Variants in RBMS3 observed in about 807,000 individuals in gnomAD.
RBMS3 encodes RNA-binding motif, single-stranded-interacting protein 3.
RBMS3 carries 27 observed loss-of-function variants against 66.8 expected under a neutral mutation model. That is an observed-to-expected ratio of 0.40 (90% CI 0.30 to 0.56). The LOEUF is 0.56. RBMS3 is among the 20% of genes least tolerant of loss of function. The pLI, the probability that RBMS3 is intolerant of heterozygous loss-of-function variation, is 0.40. For synonymous variants in RBMS3, 188 were observed against 183.0 expected (o/e 1.03, Z -0.22); for missense variants, 513 against 549.5 (o/e 0.93, Z 0.66).
At chr3:29,928,297 A>T (rs1032880753) in intron 10 of RBMS3, among the ~76,000 whole-genome samples, 2 of 149,790 alleles carry the variant, frequency 1.3e-5, no homozygotes, top group South Asian at 2.1e-4. Flanking sequence ...ATTAGGAACT[A>T]ATCTCAATAT....
intron 4 of RBMS3, among the ~76,000 whole-genome samples, chr3:29,667,340 G>T (rs1330836002): frequency 1.3e-5 from 2 of 152,048 alleles, no homozygotes; most frequent in South Asian, 4.2e-4. Context: ...TATCCCAGTG[G>T]TATAACCATG....
chr3:29,873,830 A>G (rs1419659372), intron 7 of RBMS3, among the ~76,000 whole-genome samples: 6 of 152,300 alleles, frequency 3.9e-5, no homozygotes, highest in South Asian at 4.1e-4. Flanking sequence ...TCTTTTCTGT[A>G]TCATTTGAGA....
chr3:29,546,230 C>T (rs1464702722), intron 3 of RBMS3, among the ~76,000 whole-genome samples: 6 of 151,678 alleles, frequency 4.0e-5, no homozygotes, highest in Admixed American at 3.3e-4. Flanking sequence ...TTCATGACAA[C>T]CCTACAAGGT....
chr3:29,563,939 C>A (rs1431315407), intron 3 of RBMS3, among the ~76,000 whole-genome samples: 1 of 150,834 alleles, frequency 6.6e-6, no homozygotes, highest in Non-Finnish European at 1.5e-5. Flanking sequence ...ATCATTTGAG[C>A]CTGGAAGATT....
At chr3:29,740,564 C>T (rs1307562241) in intron 5 of RBMS3, among the ~76,000 whole-genome samples, 1 of 152,164 alleles carries the variant, frequency 6.6e-6, no homozygotes, top group African/African-American at 2.4e-5. Context: ...GTTGTACCTG[C>T]TGTGCTTTCA....
chr3:29,305,388 C>T (rs1191214939), intron 1 of RBMS3, among the ~76,000 whole-genome samples: 1 of 151,856 alleles, frequency 6.6e-6, no homozygotes, highest in Non-Finnish European at 1.5e-5. Flanking sequence ...TTTGTTGTAT[C>T]CCAAGAGCTG....
At position 29,751,757 on chromosome 3, in the gene RBMS3, G is replaced by T. The variant is rs555552757; in HGVS notation, c.558-11153G>T. On this transcript the variant is annotated intron_variant, in intron 5 of 14. Coordinates refer to ENST00000383767, the MANE Select transcript of RBMS3 (RefSeq NM_001003793.3). ...AGGATAGTTCCCTTGGTACCTTTGT[G>T]GGACTCACAAAGGGGCGGCTCGGTT... 2.6e-5 allele frequency among the ~76,000 whole-genome samples: 4 copies of T among 152,318 alleles called. No homozygotes were observed. The South Asian group carries it at 8.3e-4, about 32-fold the overall frequency.
At chr3:29,985,921 A>G (rs1377333407) in intron 12 of RBMS3, among the ~76,000 whole-genome samples, 1 of 152,222 alleles carries the variant, frequency 6.6e-6, no homozygotes, top group Non-Finnish European at 1.5e-5. Flanking sequence ...TATGGCCACA[A>G]GTCATGTTTC....
chr3:29,894,809 A>G (rs2060088014), intron 8 of RBMS3, among the ~76,000 whole-genome samples: 2 of 151,724 alleles, frequency 1.3e-5, no homozygotes, highest in Admixed American at 6.6e-5. Context: ...TTTAGCTACA[A>G]TCCTCTCTGA....
At chr3:29,668,909 T>TTA (rs1378498437) in intron 4 of RBMS3, among the ~76,000 whole-genome samples, 12 of 152,176 alleles carry the variant, frequency 7.9e-5, no homozygotes, top group Non-Finnish European at 1.8e-4. Context: ...TGTTGAAAGG[T>TTA]TAGATCCCTG....
intron 3 of RBMS3, among the ~76,000 whole-genome samples, chr3:29,532,262 GTATA>G (rs869225843): frequency 1.6e-5 from 1 of 62,692 alleles, no homozygotes; most frequent in Admixed American, 1.7e-4. Context: ...ATATATATAT[GTATA>G]TATATATATA....
At chr3:29,953,608 C>G (rs1173520440) in intron 12 of RBMS3, among the ~76,000 whole-genome samples, 2 of 151,840 alleles carry the variant, frequency 1.3e-5, no homozygotes, top group African/African-American at 2.4e-5. Flanking sequence ...TTTTATTCAT[C>G]ACATAGTATG....
intron 2 of RBMS3, among the ~76,000 whole-genome samples, chr3:29,440,404 C>A (rs1559363401): frequency 6.6e-6 from 1 of 152,192 alleles, no homozygotes; most frequent in Middle Eastern, 3.4e-3. Flanking sequence ...AGTAAACATG[C>A]CGCTGCTAAG....
chr3:29,568,649 A>G (rs951997546), intron 3 of RBMS3, among the ~76,000 whole-genome samples: 1 of 152,224 alleles, frequency 6.6e-6, no homozygotes, highest in African/African-American at 2.4e-5. Flanking sequence ...GCTATCAAAT[A>G]GTGGAGCTAG....
At chr3:29,944,594 A>G (rs1695169972) in intron 12 of RBMS3, among the ~76,000 whole-genome samples, 1 of 151,684 alleles carries the variant, frequency 6.6e-6, no homozygotes, top group Non-Finnish European at 1.5e-5. Flanking sequence ...TGGGAAAATA[A>G]TTTTATGTAT....
At chr3:29,949,167 A>G (rs781697404) in intron 12 of RBMS3, among the ~76,000 whole-genome samples, 1 of 151,482 alleles carries the variant, frequency 6.6e-6, no homozygotes, top group Non-Finnish European at 1.5e-5. Flanking sequence ...GTATATAAAT[A>G]TCACTGTTAT....
intron 4 of RBMS3, among the ~76,000 whole-genome samples, chr3:29,609,318 G>A (rs556841958): frequency 2.6e-5 from 4 of 152,074 alleles, no homozygotes; most frequent in African/African-American, 9.6e-5. Context: ...CTGGCAGTAT[G>A]GCACTGTCAA....
At chr3:29,556,124 G>GT (rs946022956) in intron 3 of RBMS3, among the ~76,000 whole-genome samples, 13 of 104,102 alleles carry the variant, frequency 1.2e-4, no homozygotes, top group African/African-American at 4.0e-4. Flanking sequence ...CCACAATAAA[G>GT]TTTAAAAAAA....
chr3:29,585,618 C>T (rs1302571441), intron 3 of RBMS3, among the ~76,000 whole-genome samples: 9 of 152,070 alleles, frequency 5.9e-5, no homozygotes, highest in Admixed American at 3.3e-4. Context: ...GCACAGCAAC[C>T]GACATGTGAG....
Sources: gnomAD v4.1 joint callset for allele counts (sites outside exome capture counted in the v4.1 genomes callset) on GRCh38, gnomAD v4.1.1 for gene constraint, MANE v1.5 for transcripts, NCBI Gene and HGNC (gene_info 2026-07-23, HGNC 2026-07-21) for gene names.